The following DLG2 variants were observed in gnomAD, a reference collection of about 807,000 sequenced individuals.
DLG2 encodes the protein discs large MAGUK scaffold protein 2, also known as disks large homolog 2.
In DLG2, 45 loss-of-function variants were observed where a neutral mutation model predicts 132.5. That is an observed-to-expected ratio of 0.34 (90% CI 0.27 to 0.44). The LOEUF is 0.44. DLG2 is among the 20% of genes least tolerant of loss of function. The pLI is 1.00. For missense variants in DLG2, 1,045 were observed against 1,196.9 expected, an observed-to-expected ratio of 0.87 and a Z score of 1.87; for synonymous variants, 424 against 419.6, an observed-to-expected ratio of 1.01 and a Z score of -0.13.
chr11:83,497,903 C>T (rs1480303421), intron 21 of DLG2, among the ~76,000 whole-genome samples: 2 of 151,156 alleles, frequency 1.3e-5, no homozygotes, highest in Non-Finnish European at 2.9e-5. Flanking sequence ...TAACTAAAAG[C>T]TTAATTTATT....
chr11:85,401,846 C>CA (rs1203628818), intron 3 of DLG2, among the ~76,000 whole-genome samples: 1 of 151,696 alleles, frequency 6.6e-6, no homozygotes, highest in Non-Finnish European at 1.5e-5. Flanking sequence ...AAAGAGGACA[C>CA]AAAAAAATGG....
At chr11:83,861,795 A>C (rs998610169) in intron 16 of DLG2, among the ~76,000 whole-genome samples, 1 of 152,098 alleles carries the variant, frequency 6.6e-6, no homozygotes, top group Non-Finnish European at 1.5e-5. Flanking sequence ...GAAAGAATGA[A>C]TAGGACCTAC....
intron 10 of DLG2, among the ~76,000 whole-genome samples, chr11:84,079,054 T>A (rs2096867048): frequency 6.6e-6 from 1 of 152,214 alleles, no homozygotes; most frequent in South Asian, 2.1e-4. Context: ...TATTATATAC[T>A]CAGCACCTGA....
intron 3 of DLG2, among the ~76,000 whole-genome samples, chr11:85,323,568 C>A (rs1676544210): frequency 6.6e-6 from 1 of 152,214 alleles, no homozygotes; most frequent in Admixed American, 6.5e-5. Context: ...GCTATTCTCA[C>A]TCTACTGTGC....
At chr11:84,732,889 T>A (rs555484102) in intron 6 of DLG2, among the ~76,000 whole-genome samples, 4 of 151,296 alleles carry the variant, frequency 2.6e-5, no homozygotes, top group African/African-American at 7.3e-5. Context: ...GAACATGTGA[T>A]GTTTGGTTTT....
At chr11:84,505,657 T>A (rs2099236960) in intron 7 of DLG2, among the ~76,000 whole-genome samples, 1 of 152,174 alleles carries the variant, frequency 6.6e-6, no homozygotes, top group Admixed American at 6.5e-5. Context: ...TAGGCTAGAA[T>A]TAATATGTTC....
chr11:83,550,666 G>A (rs2096368696), intron 19 of DLG2, among the ~76,000 whole-genome samples: 1 of 152,106 alleles, frequency 6.6e-6, no homozygotes, highest in Admixed American at 6.6e-5. Flanking sequence ...AATGCCATCA[G>A]CTTGCTACTC....
At chr11:85,298,849 C>T (rs907354625) in intron 3 of DLG2, among the ~76,000 whole-genome samples, 1 of 152,068 alleles carries the variant, frequency 6.6e-6, no homozygotes, top group African/African-American at 2.4e-5. Flanking sequence ...AGAAATGGAA[C>T]AAGTTGGTCA....
intron 7 of DLG2, among the ~76,000 whole-genome samples, chr11:84,451,220 C>G (rs959415823): frequency 6.6e-6 from 1 of 151,754 alleles, no homozygotes; most frequent in African/African-American, 2.4e-5. Context: ...CTCTTCAATC[C>G]TTTTACCTTC....
At chr11:85,342,308 T>A (rs1362025625) in intron 3 of DLG2, among the ~76,000 whole-genome samples, 3 of 147,514 alleles carry the variant, frequency 2.0e-5, no homozygotes, top group Non-Finnish European at 4.5e-5. Context: ...TTTCTACCAA[T>A]TTTTTTTTTA....
chr11:84,374,784 T>A (rs2098722521), intron 7 of DLG2, among the ~76,000 whole-genome samples: 1 of 152,144 alleles, frequency 6.6e-6, no homozygotes, highest in Non-Finnish European at 1.5e-5. Context: ...AAACCTTTGC[T>A]GGACACATAA....
intron 6 of DLG2, among the ~76,000 whole-genome samples, chr11:84,958,206 T>C (rs907030041): frequency 6.6e-6 from 1 of 152,184 alleles, no homozygotes; most frequent in African/African-American, 2.4e-5. Context: ...ACTGGCCCTT[T>C]ATTCATATAT....
chr11:85,144,950 T>C lies in DLG2; in HGVS notation c.282+9606A>G, dbSNP rs191947424. ...CTTCAGATTTCTTATTGTTTGTTAA[T>C]GTCCTTTTCTTTTAGATTAAAGAAC... is the stretch of plus-strand genomic sequence containing the variant. On this transcript the variant is annotated intron_variant, in intron 5 of 27. Coordinates refer to ENST00000376104, the MANE Select transcript of DLG2 (RefSeq NM_001142699.3). Among the ~76,000 whole-genome samples, 41 of 152,264 alleles carry C rather than the reference T, an allele frequency of 2.7e-4. No individual in the cohort carries two copies. In the East Asian group the frequency reaches 4.3e-3, roughly 16 times the overall value.
At chr11:83,948,489 G>A in intron 14 of DLG2, among the ~76,000 whole-genome samples, 1 of 152,072 alleles carries the variant, frequency 6.6e-6, no homozygotes, top group East Asian at 1.9e-4. Context: ...TTGTGTTTCT[G>A]GGAGGAGGCA....
intron 6 of DLG2, among the ~76,000 whole-genome samples, chr11:84,657,038 C>T (rs955803536): frequency 6.6e-5 from 10 of 152,072 alleles, no homozygotes; most frequent in Non-Finnish European, 1.3e-4. Flanking sequence ...CCCCATTTAC[C>T]ATATGACAAA....
intron 6 of DLG2, among the ~76,000 whole-genome samples, chr11:84,745,604 A>G (rs1235248078): frequency 6.6e-6 from 1 of 152,216 alleles, no homozygotes; most frequent in Admixed American, 6.5e-5. Context: ...TCATATTAGA[A>G]TTCTAAGCCC....
At chr11:84,946,492 G>T (rs2050213303) in intron 6 of DLG2, among the ~76,000 whole-genome samples, 1 of 152,058 alleles carries the variant, frequency 6.6e-6, no homozygotes, top group Non-Finnish European at 1.5e-5. Flanking sequence ...CCCAGGATGT[G>T]TCCAGAAATC....
At chr11:84,167,054 T>C in intron 8 of DLG2, 1 of 526,886 alleles carries the variant, frequency 1.9e-6, no homozygotes, top group Non-Finnish European at 3.9e-6. Context: ...CACAGCCTCC[T>C]CTCTACTTTG....
intron 5 of DLG2, among the ~76,000 whole-genome samples, chr11:85,128,111 T>C (rs758020356): frequency 6.6e-5 from 10 of 152,216 alleles, no homozygotes; most frequent in Admixed American, 3.9e-4. Context: ...ATGTGAATTT[T>C]ATTATGTACA....
Sources: allele counts gnomAD v4.1 joint callset (sites outside exome capture counted in the v4.1 genomes callset), GRCh38; gene constraint gnomAD v4.1.1; transcripts MANE v1.5; gene names NCBI Gene and HGNC (gene_info 2026-07-23, HGNC 2026-07-21).